Variants in CSMD1 observed in about 807,000 individuals in gnomAD.
CSMD1 encodes CUB and sushi domain-containing protein 1.
In CSMD1, 213 loss-of-function variants were observed where a neutral mutation model predicts 417.5. The observed-to-expected ratio is 0.51, with a 90% CI of 0.46 to 0.57. The LOEUF (loss-of-function observed/expected upper bound fraction) is 0.57, where lower values mean the gene tolerates loss of function less well. CSMD1 is among the 20% of genes least tolerant of loss of function. CSMD1 has a pLI of 0.00. For synonymous variants in CSMD1, 2,862 were observed against 1,736.8 expected (o/e 1.65, Z -16.11); for missense variants, 6,923 against 4,529.7 (o/e 1.53, Z -15.17).
At chr8:3,656,975 G>C (rs79378384) in intron 7 of CSMD1, among the ~76,000 whole-genome samples, 1 of 151,710 alleles carries the variant, frequency 6.6e-6, no homozygotes, top group Non-Finnish European at 1.5e-5. Context: ...AAGCCAATCA[G>C]TGAATTTTAG....
intron 10 of CSMD1, among the ~76,000 whole-genome samples, chr8:3,534,223 G>C (rs866598028): frequency 2.0e-5 from 3 of 152,090 alleles, no homozygotes; most frequent in African/African-American, 4.8e-5. Flanking sequence ...CCTTTGCCTA[G>C]GTAGTCCAGA....
At chr8:4,848,813 G>A (rs1337597098) in intron 1 of CSMD1, among the ~76,000 whole-genome samples, 1 of 152,128 alleles carries the variant, frequency 6.6e-6, no homozygotes, top group Admixed American at 6.6e-5. Context: ...CAAAGTGCTG[G>A]GATTACAGGC....
chr8:4,898,327 C>T (rs1045013893), intron 1 of CSMD1, among the ~76,000 whole-genome samples: 14 of 152,072 alleles, frequency 9.2e-5, no homozygotes, highest in Admixed American at 2.6e-4. Flanking sequence ...TTGACAGGGT[C>T]CATTAGATTT....
At chr8:4,590,309 C>A (rs1247412184) in intron 2 of CSMD1, among the ~76,000 whole-genome samples, 3 of 152,072 alleles carry the variant, frequency 2.0e-5, no homozygotes, top group African/African-American at 7.2e-5. Context: ...ACATGGACTA[C>A]TGGATTTCCA....
chr8:4,119,730 C>G (rs1277697742), intron 3 of CSMD1, among the ~76,000 whole-genome samples: 1 of 152,158 alleles, frequency 6.6e-6, no homozygotes. Flanking sequence ...AAACTTCCAG[C>G]CTCCAAACAG....
intron 5 of CSMD1, among the ~76,000 whole-genome samples, chr8:3,806,261 A>G (rs533619875): frequency 1.3e-5 from 2 of 152,244 alleles, no homozygotes; most frequent in South Asian, 4.1e-4. Flanking sequence ...TCACAGTAGG[A>G]TGGAAGGCCT....
At chr8:4,213,220 T>G (rs1327585341) in intron 3 of CSMD1, among the ~76,000 whole-genome samples, 1 of 152,184 alleles carries the variant, frequency 6.6e-6, no homozygotes, top group South Asian at 2.1e-4. Flanking sequence ...GGGTACTTGT[T>G]GTCTATGAAC....
chr8:4,818,802 A>G (rs1281824065), intron 1 of CSMD1, among the ~76,000 whole-genome samples: 1 of 152,180 alleles, frequency 6.6e-6, no homozygotes, highest in Admixed American at 6.5e-5. Flanking sequence ...AAGTATTTTC[A>G]TTTCATTAGA....
chr8:3,379,581 T>G (rs970425161), intron 18 of CSMD1, among the ~76,000 whole-genome samples: 5 of 152,142 alleles, frequency 3.3e-5, no homozygotes, highest in Admixed American at 6.5e-5. Flanking sequence ...CAGAGGTCTC[T>G]GAAATAACAC....
At chr8:3,793,768 T>TGACGACAGA (rs1799882534) in intron 5 of CSMD1, among the ~76,000 whole-genome samples, 1 of 152,160 alleles carries the variant, frequency 6.6e-6, no homozygotes, top group South Asian at 2.1e-4. Context: ...GGTAGGAACT[T>TGACGACAGA]GACGACAGAG....
chr8:4,742,694 T>G (rs1321223853), intron 1 of CSMD1, among the ~76,000 whole-genome samples: 4 of 152,170 alleles, frequency 2.6e-5, no homozygotes, highest in African/African-American at 4.8e-5. Context: ...ACAATCAGGT[T>G]GGTTTTATTA....
chr8:4,199,072 G>A (rs1799502324), intron 3 of CSMD1, among the ~76,000 whole-genome samples: 1 of 152,082 alleles, frequency 6.6e-6, no homozygotes, highest in Non-Finnish European at 1.5e-5. Context: ...AAACCCCTGA[G>A]GTAGTAGAGC....
chr8:4,006,988 C>A lies in CSMD1; in HGVS notation c.611-8878G>T, dbSNP rs377676457. Among the ~76,000 whole-genome samples the A allele has an allele frequency of 1.8e-4, 27 of 151,822 alleles. 1 individual carries two copies. Among genetic ancestry groups the A allele is most frequent in the Admixed American group, 4.6e-4 (7 of 15,244 alleles). On this transcript the variant is annotated intron_variant, in intron 4 of 69. Coordinates refer to ENST00000635120, the MANE Select transcript of CSMD1 (RefSeq NM_033225.6). ...GACTACAGGCACACACCACCACACC[C>A]GGCTAATTTTTGTGTGTATGTGTGT...
At chr8:4,079,839 T>A (rs1034270054) in intron 3 of CSMD1, among the ~76,000 whole-genome samples, 2 of 152,142 alleles carry the variant, frequency 1.3e-5, no homozygotes, top group Admixed American at 6.5e-5. Flanking sequence ...TAGCCAGGGA[T>A]AATGGAATGT....
At chr8:4,212,422 G>T (rs985133615) in intron 3 of CSMD1, among the ~76,000 whole-genome samples, 1 of 151,976 alleles carries the variant, frequency 6.6e-6, no homozygotes, top group Non-Finnish European at 1.5e-5. Context: ...TGACATTAAC[G>T]TCCCAGGTAG....
intron 3 of CSMD1, among the ~76,000 whole-genome samples, chr8:4,180,602 A>C (rs1054081250): frequency 1.3e-5 from 2 of 152,116 alleles, no homozygotes; most frequent in African/African-American, 4.8e-5. Flanking sequence ...GAAAAAATAA[A>C]ATAAAATACA....
chr8:3,817,426 G>A (rs1035928111), intron 5 of CSMD1, among the ~76,000 whole-genome samples: 6 of 151,464 alleles, frequency 4.0e-5, no homozygotes, highest in Non-Finnish European at 7.4e-5. Flanking sequence ...GACTATAGGC[G>A]TGCGCCAACA....
intron 5 of CSMD1, among the ~76,000 whole-genome samples, chr8:3,855,435 T>C (rs1804230115): frequency 6.6e-6 from 1 of 152,070 alleles, no homozygotes; most frequent in Non-Finnish European, 1.5e-5. Flanking sequence ...AACAAAAAAG[T>C]TTAAATATCA....
At chr8:4,365,702 A>T (rs1433508843) in intron 3 of CSMD1, among the ~76,000 whole-genome samples, 1 of 152,202 alleles carries the variant, frequency 6.6e-6, no homozygotes, top group African/African-American at 2.4e-5. Flanking sequence ...ATCCAGCCTG[A>T]GACTTTCTGC....
Sources: allele counts gnomAD v4.1 joint callset (sites outside exome capture counted in the v4.1 genomes callset), GRCh38; gene constraint gnomAD v4.1.1; transcripts MANE v1.5; gene names NCBI Gene and HGNC (gene_info 2026-07-23, HGNC 2026-07-21).